Variants in TENT4B observed in about 807,000 individuals in gnomAD.
TENT4B encodes terminal nucleotidyltransferase 4B.
In TENT4B, 10 loss-of-function variants were observed where a neutral mutation model predicts 75.0. That is an observed-to-expected ratio of 0.13 (90% CI 0.08 to 0.23). TENT4B has a LOEUF of 0.23. Among genes scored for constraint, TENT4B ranks in the 10% least tolerant of loss-of-function variants. The pLI, the probability that TENT4B is intolerant of heterozygous loss-of-function variation, is 1.00. For synonymous variants in TENT4B, 350 were observed against 357.7 expected, an observed-to-expected ratio of 0.98 and a Z score of 0.24; for missense variants, 579 against 893.8, an observed-to-expected ratio of 0.65 and a Z score of 4.49.
At chr16:50,181,464 ATTTT>A (rs35488041) in intron 1 of TENT4B, among the ~76,000 whole-genome samples, 8 of 109,814 alleles carry the variant, frequency 7.3e-5, no homozygotes, top group Admixed American at 4.8e-4. Flanking sequence ...CAGCTATTGT[ATTTT>A]TTTTTTTTTT....
intron 7 of TENT4B, 89 bp from the exon 8 acceptor site, chr16:50,224,568 G>T: frequency 6.6e-7 from 1 of 1,520,064 alleles, no homozygotes; most frequent in Non-Finnish European, 8.9e-7. Context: ...GGATAACTAT[G>T]GCCCTTGCTC....
intron 1 of TENT4B, among the ~76,000 whole-genome samples, chr16:50,173,425 A>G (rs773899492): frequency 3.9e-5 from 6 of 152,216 alleles, no homozygotes; most frequent in African/African-American, 7.2e-5. Context: ...ATAAATACCA[A>G]GGAGCACGAT....
At chr16:50,162,596 A>G (rs1367960128) in intron 1 of TENT4B, among the ~76,000 whole-genome samples, 1 of 152,204 alleles carries the variant, frequency 6.6e-6, no homozygotes, top group Non-Finnish European at 1.5e-5. Context: ...ACATCTTGGC[A>G]GTATTGAACT....
chr16:50,157,406 A>G (rs1421378292), intron 1 of TENT4B, among the ~76,000 whole-genome samples: 2 of 152,076 alleles, frequency 1.3e-5, no homozygotes, highest in African/African-American at 4.8e-5. Flanking sequence ...CTTTCCTTTT[A>G]TTATGTGTTC....
chr16:50,229,245 C>A lies in TENT4B; in HGVS notation c.2059C>A (p.Gln687Lys). The change falls in exon 12 of 12, where the codon CAA (glutamine) becomes AAA (lysine). Residue 687 changes from glutamine to lysine, a missense_variant. Gln to Lys is a moderately conservative substitution (Grantham distance 53, BLOSUM62 1). This residue lies in a region of TENT4B where 164 missense variants were observed against 226.5 expected (regional missense o/e 0.72). Transcript: ENST00000561678. ...HGSLMTNKQHQGKSNNQYYHG... is the reference protein window; with the variant it reads ...HGSLMTNKQHKGKSNNQYYHG... ...TTCCTTGATGACAAACAAACAACAT[C>A]AAGGCAAATCCAATAATCAGTATTA... 2 of 1,613,844 alleles carry A rather than the reference C, an allele frequency of 1.2e-6. No homozygotes were observed. The highest frequency in any genetic ancestry group is 1.7e-6 in the Non-Finnish European group (2 of 1,179,826).
At chr16:50,200,965 T>G (rs1053824087) in intron 1 of TENT4B, among the ~76,000 whole-genome samples, 2 of 152,020 alleles carry the variant, frequency 1.3e-5, no homozygotes, top group Non-Finnish European at 2.9e-5. Flanking sequence ...CCCTGCTAAT[T>G]TAAAAGAGTT....
chr16:50,201,572 G>A (rs1264699107), intron 1 of TENT4B, among the ~76,000 whole-genome samples: 2 of 151,894 alleles, frequency 1.3e-5, no homozygotes, highest in Non-Finnish European at 2.9e-5. Flanking sequence ...GCTGGCTGAG[G>A]TGGCTCACAC....
At chr16:50,216,395 G>A (rs548736195) in intron 4 of TENT4B, among the ~76,000 whole-genome samples, 200 bp downstream of exon 4, 4 of 152,188 alleles carry the variant, frequency 2.6e-5, no homozygotes, top group African/African-American at 7.2e-5. Context: ...ACTACAACCT[G>A]TGCCTCCTCG....
chr16:50,163,822 G>GTT (rs915952085), intron 1 of TENT4B, among the ~76,000 whole-genome samples: 1 of 151,968 alleles, frequency 6.6e-6, no homozygotes, highest in Non-Finnish European at 1.5e-5. Flanking sequence ...TAATTTTAAT[G>GTT]TTTTTAAAGA....
At chr16:50,193,813 CA>C (rs902346961) in intron 1 of TENT4B, among the ~76,000 whole-genome samples, 2 of 152,144 alleles carry the variant, frequency 1.3e-5, no homozygotes, top group Admixed American at 6.6e-5. Context: ...ACTGTTTTGG[CA>C]GACCTGTCTT....
In TENT4B at chr16:50,229,334, G is replaced by C. The variant is rs376513987; in HGVS notation, c.*6G>C. The C allele has an allele frequency of 1.2e-6, 2 of 1,607,388 alleles. No homozygotes were observed. Among genetic ancestry groups the C allele is most frequent in the South Asian group, 1.1e-5 (1 of 89,840 alleles). ...TCTCAGACCTCTGTAGATAGTCAGC[G>C]CTGCGCGGTGGACTGTCTTCTCTGT... On this transcript the variant is annotated 3_prime_UTR_variant, in exon 12 of 12. Transcript: ENST00000561678.
At chr16:50,166,290 G>C (rs2038099333) in intron 1 of TENT4B, among the ~76,000 whole-genome samples, 1 of 151,796 alleles carries the variant, frequency 6.6e-6, no homozygotes, top group African/African-American at 2.4e-5. Context: ...TTGCCATGTT[G>C]GTCAGGCTGG....
At chr16:50,183,521 CTTTTTTT>C (rs34736585) in intron 1 of TENT4B, among the ~76,000 whole-genome samples, 3 of 119,618 alleles carry the variant, frequency 2.5e-5, no homozygotes, top group Non-Finnish European at 3.6e-5. Flanking sequence ...CTTAAAAACC[CTTTTTTT>C]TTTTTTTTTG....
intron 1 of TENT4B, among the ~76,000 whole-genome samples, chr16:50,188,716 G>A (rs2038582963): frequency 6.6e-6 from 1 of 152,132 alleles, no homozygotes; most frequent in African/African-American, 2.4e-5. Flanking sequence ...CTTGGGTACT[G>A]TGGCCTGTGC....
intron 1 of TENT4B, among the ~76,000 whole-genome samples, chr16:50,203,403 T>C (rs2030767350): frequency 6.6e-6 from 1 of 152,232 alleles, no homozygotes; most frequent in African/African-American, 2.4e-5. Flanking sequence ...CAAGTGACCT[T>C]GTATTGTTAT....
chr16:50,179,777 G>A (rs1193100308), intron 1 of TENT4B, among the ~76,000 whole-genome samples: 1 of 152,178 alleles, frequency 6.6e-6, no homozygotes, highest in African/African-American at 2.4e-5. Context: ...ATCTTTACCT[G>A]AATCCAGGGT....
chr16:50,209,283 C>T (rs1372129564), intron 1 of TENT4B, among the ~76,000 whole-genome samples: 2 of 152,200 alleles, frequency 1.3e-5, no homozygotes, highest in African/African-American at 2.4e-5. Context: ...TTTGTTCTGT[C>T]GTTTATTCAT....
chr16:50,153,070 T>C (rs369332256), upstream of TENT4B: 21 of 1,443,350 alleles, frequency 1.5e-5, no homozygotes, highest in East Asian at 6.0e-4. Context: ...CAAGTACGGT[T>C]GGGCCAGGCG....
At position 50,154,404 on chromosome 16, in the gene TENT4B, A is replaced by G. The variant is rs1429049447; in HGVS notation, c.638+145A>G. 4 of 1,252,574 alleles carry G rather than the reference A, an allele frequency of 3.2e-6. No homozygotes were observed. In the Admixed American group the frequency reaches 1.5e-4, roughly 48 times the overall value. The allele number at this position is 1,252,574 out of a possible 1,614,324, so 77.6% of individuals were successfully genotyped here. A position where few individuals can be genotyped will look rare whatever the true frequency, so the allele number is the denominator to read the frequency against. On this transcript the variant is annotated intron_variant, in intron 1 of 11. Transcript: ENST00000561678. ...CTGTTGCACGGGGGTGCTGCTGGCC[A>G]TCCCCAACCCCCCAGTCGTTCACAC...
Sources: gnomAD v4.1 joint callset for allele counts (sites outside exome capture counted in the v4.1 genomes callset) on GRCh38, gnomAD v4.1.1 for gene constraint, gnomAD v4.1.1 regional missense constraint, MANE v1.5 for transcripts, NCBI Gene and HGNC (gene_info 2026-07-23, HGNC 2026-07-21) for gene names.